STPG2: variants seen among roughly 807,000 people sequenced by gnomAD.
STPG2 encodes sperm tail PG-rich repeat containing 2.
In STPG2, 56 loss-of-function variants were observed where a neutral mutation model predicts 54.2. The observed-to-expected ratio is 1.03, with a 90% CI of 0.83 to 1.29. The LOEUF is 1.29. Among genes scored for constraint, STPG2 ranks in the 50% most tolerant of loss-of-function variants. The probability of loss-of-function intolerance (pLI) is 0.00; values close to 1 mark genes in which losing one functional copy is unlikely to be tolerated. For missense variants in STPG2, 596 were observed against 544.9 expected, an observed-to-expected ratio of 1.09 and a Z score of -0.93; for synonymous variants, 200 against 181.8, an observed-to-expected ratio of 1.10 and a Z score of -0.81.
intron 4 of STPG2, among the ~76,000 whole-genome samples, chr4:97,504,768 G>A (rs1730809889): frequency 6.6e-6 from 1 of 151,922 alleles, no homozygotes. Flanking sequence ...AAAGCAAAAA[G>A]AAATGGGCTT....
intron 9 of STPG2, among the ~76,000 whole-genome samples, chr4:97,783,776 A>T (rs1348846593): frequency 6.6e-6 from 1 of 152,198 alleles, no homozygotes; most frequent in African/African-American, 2.4e-5. Context: ...CTTTGTAGAG[A>T]CGTGGATGAA....
chr4:98,073,528 C>T (rs1237037151), intron 5 of STPG2, among the ~76,000 whole-genome samples: 2 of 152,128 alleles, frequency 1.3e-5, no homozygotes, highest in Admixed American at 6.5e-5. Context: ...GAGTTCAAGA[C>T]CAGCCTAGCC....
Position 97,942,686 on chromosome 4 carries a change from T to C in STPG2, c.1044+1211A>G, listed in dbSNP as rs534560617. On this transcript the variant is annotated intron_variant, in intron 8 of 10. Coordinates refer to ENST00000295268, the MANE Select transcript of STPG2 (RefSeq NM_174952.3). ...TATTAACTAGCATTGCATTTGTCAT[T>C]CCCTTAAATTAGTTCATCATGATCT... Among the ~76,000 whole-genome samples the C allele has an allele frequency of 2.6e-5, 4 of 152,248 alleles. No individual in the cohort carries two copies. The East Asian group carries it at 7.7e-4, about 29-fold the overall frequency.
intron 5 of STPG2, among the ~76,000 whole-genome samples, chr4:98,055,537 G>A (rs1737454249): frequency 6.6e-6 from 1 of 152,128 alleles, no homozygotes; most frequent in South Asian, 2.1e-4. Context: ...CTCACCATGG[G>A]CCTTTGAAAC....
chr4:97,623,464 A>G (rs924528087), intron 10 of STPG2, among the ~76,000 whole-genome samples: 6 of 152,176 alleles, frequency 3.9e-5, no homozygotes, highest in Non-Finnish European at 7.3e-5. Flanking sequence ...ACACTTTTCA[A>G]AGGAAGACAT....
At position 97,649,467 on chromosome 4, in the gene STPG2, T is replaced by C. The variant is rs887772779; in HGVS notation, c.1320+63232A>G. 1.2e-4 allele frequency among the ~76,000 whole-genome samples: 18 copies of C among 152,244 alleles called. No homozygotes were observed. The East Asian group carries it at 1.9e-3, about 16-fold the overall frequency. ...ATAGTCTTGAAGATTTTTTAACTTA[T>C]TGATGGCCTTAGAGGTATGTAAAAG... is the stretch of plus-strand genomic sequence containing the variant. On this transcript the variant is annotated intron_variant, in intron 10 of 10. Coordinates refer to ENST00000295268, the MANE Select transcript of STPG2 (RefSeq NM_174952.3).
At chr4:97,541,763 C>T (rs576727476) in intron 4 of STPG2, among the ~76,000 whole-genome samples, 1 of 152,142 alleles carries the variant, frequency 6.6e-6, no homozygotes, top group African/African-American at 2.4e-5. Flanking sequence ...GTACTGGTAC[C>T]AAAACAGAGA....
At chr4:97,554,685 A>G (rs1050110659), downstream of STPG2, among the ~76,000 whole-genome samples, 1 of 152,212 alleles carries the variant, frequency 6.6e-6, no homozygotes, top group Non-Finnish European at 1.5e-5. Flanking sequence ...CAGGAATGGA[A>G]AAGGAAGAGT....
At chr4:97,914,723 T>C (rs375717404) in intron 8 of STPG2, among the ~76,000 whole-genome samples, 4 of 152,190 alleles carry the variant, frequency 2.6e-5, no homozygotes, top group Non-Finnish European at 5.9e-5. Context: ...ATTATGCCAA[T>C]TGAGCATCCC....
At chr4:97,566,017 T>A (rs1275824690) in intron 10 of STPG2, among the ~76,000 whole-genome samples, 2 of 152,230 alleles carry the variant, frequency 1.3e-5, no homozygotes, top group Non-Finnish European at 2.9e-5. Flanking sequence ...TCTTTTTGTT[T>A]GTCTGTGCCC....
intron 9 of STPG2, among the ~76,000 whole-genome samples, chr4:97,821,520 C>T (rs1436354104): frequency 8.5e-5 from 13 of 152,184 alleles, no homozygotes; most frequent in African/African-American, 1.9e-4. Context: ...AGTGCCCCAG[C>T]GGGGAATCTG....
At chr4:97,863,133 C>T (rs890413684) in intron 8 of STPG2, among the ~76,000 whole-genome samples, 7 of 151,944 alleles carry the variant, frequency 4.6e-5, no homozygotes, top group African/African-American at 9.7e-5. Context: ...ACAAAAAACC[C>T]TTAAAAAAAT....
intron 10 of STPG2, among the ~76,000 whole-genome samples, chr4:97,590,447 T>C (rs894190832): frequency 6.6e-6 from 1 of 152,036 alleles, no homozygotes; most frequent in Non-Finnish European, 1.5e-5. Flanking sequence ...GTAGGACAAC[T>C]GAAGCATGAT....
chr4:97,521,324 C>A (rs891537047), intron 4 of STPG2, among the ~76,000 whole-genome samples: 2 of 151,930 alleles, frequency 1.3e-5, no homozygotes, highest in African/African-American at 4.8e-5. Context: ...AAGAAATTTG[C>A]CGGGTCAATC....
intron 9 of STPG2, among the ~76,000 whole-genome samples, chr4:97,739,397 A>G (rs1578522341): frequency 6.6e-6 from 1 of 152,128 alleles, no homozygotes; most frequent in Admixed American, 6.5e-5. Flanking sequence ...GACGCAAAAA[A>G]CCCTTCAAAA....
intron 10 of STPG2, among the ~76,000 whole-genome samples, chr4:97,601,447 T>C (rs941297683): frequency 6.6e-6 from 1 of 152,076 alleles, no homozygotes; most frequent in Non-Finnish European, 1.5e-5. Context: ...CCAGAATTGA[T>C]TTTTGCATAT....
At chr4:97,517,068 T>C (rs1731090201) in intron 4 of STPG2, among the ~76,000 whole-genome samples, 1 of 151,742 alleles carries the variant, frequency 6.6e-6, no homozygotes. Flanking sequence ...CCACTATGCC[T>C]GGCTAATTTT....
intron 6 of STPG2, among the ~76,000 whole-genome samples, chr4:97,974,959 T>G (rs901048038): frequency 3.3e-5 from 5 of 152,152 alleles, no homozygotes; most frequent in African/African-American, 1.2e-4. Flanking sequence ...AACCATGGCA[T>G]ACTACTCAGC....
chr4:98,131,723 C>A (rs545420387), intron 2 of STPG2, among the ~76,000 whole-genome samples: 1 of 152,188 alleles, frequency 6.6e-6, no homozygotes, highest in African/African-American at 2.4e-5. Flanking sequence ...CCCAATGTAC[C>A]TTTCTAAACA....
Sources: gnomAD v4.1 joint callset for allele counts (sites outside exome capture counted in the v4.1 genomes callset) on GRCh38, gnomAD v4.1.1 for gene constraint, MANE v1.5 for transcripts, NCBI Gene and HGNC (gene_info 2026-07-23, HGNC 2026-07-21) for gene names.